The following ENOX1 variants were observed in gnomAD, a reference collection of about 807,000 sequenced individuals.
ENOX1 encodes the protein ecto-NOX disulfide-thiol exchanger 1.
In ENOX1, 42 loss-of-function variants were observed where a neutral mutation model predicts 82.5. The observed-to-expected ratio is 0.51, with a 90% CI of 0.40 to 0.66. The LOEUF (loss-of-function observed/expected upper bound fraction) is 0.66, where lower values mean the gene tolerates loss of function less well. Among genes scored for constraint, ENOX1 ranks in the 30% least tolerant of loss-of-function variants. The pLI is 0.00. For synonymous variants in ENOX1, 271 were observed against 282.2 expected, an observed-to-expected ratio of 0.96 and a Z score of 0.40; for missense variants, 608 against 811.6, an observed-to-expected ratio of 0.75 and a Z score of 3.05.
At chr13:43,421,195 G>A (rs564373136) in intron 3 of ENOX1, among the ~76,000 whole-genome samples, 1 of 152,208 alleles carries the variant, frequency 6.6e-6, no homozygotes, top group Admixed American at 6.5e-5. Context: ...GAAATCAAAA[G>A]GTCTTCTTTA....
intron 1 of ENOX1, among the ~76,000 whole-genome samples, chr13:43,734,717 C>G (rs138339712): frequency 6.6e-6 from 1 of 152,140 alleles, no homozygotes; most frequent in Non-Finnish European, 1.5e-5. Flanking sequence ...GCATGCACCA[C>G]TAGCAACTGG....
chr13:43,447,137 T>A (rs1259824847), intron 3 of ENOX1, among the ~76,000 whole-genome samples: 1 of 152,252 alleles, frequency 6.6e-6, no homozygotes, highest in Non-Finnish European at 1.5e-5. Context: ...TATAGAAAGA[T>A]GTCTTTTAAA....
chr13:43,526,673 G>A (rs2078002896), intron 2 of ENOX1, among the ~76,000 whole-genome samples: 1 of 152,058 alleles, frequency 6.6e-6, no homozygotes, highest in Non-Finnish European at 1.5e-5. Flanking sequence ...CAGTTGAGGG[G>A]TACCAGTTCA....
chr13:43,531,665 G>A (rs887280477), intron 2 of ENOX1, among the ~76,000 whole-genome samples: 2 of 144,672 alleles, frequency 1.4e-5, no homozygotes, highest in African/African-American at 2.6e-5. Flanking sequence ...CAAAGACTTG[G>A]AACCAACCCA....
intron 2 of ENOX1, among the ~76,000 whole-genome samples, chr13:43,535,318 A>G (rs866320372): frequency 3.2e-4 from 48 of 152,214 alleles, no homozygotes; most frequent in African/African-American, 1.1e-3. Flanking sequence ...CTATCACTAA[A>G]GAACTCACAG....
chr13:43,311,363 G>T (rs904721917), intron 11 of ENOX1, among the ~76,000 whole-genome samples: 1 of 150,808 alleles, frequency 6.6e-6, no homozygotes, highest in African/African-American at 2.4e-5. Context: ...AGGTAATAGG[G>T]TTTTTTTTTT....
At chr13:43,333,926 T>C (rs2048556651) in intron 9 of ENOX1, among the ~76,000 whole-genome samples, 1 of 152,246 alleles carries the variant, frequency 6.6e-6, no homozygotes, top group Admixed American at 6.5e-5. Context: ...CCCAGCCCTG[T>C]GATAGGCAAT....
At chr13:43,248,360 T>C (rs547529587) in intron 14 of ENOX1, among the ~76,000 whole-genome samples, 10 of 152,114 alleles carry the variant, frequency 6.6e-5, no homozygotes, top group Admixed American at 2.0e-4. Flanking sequence ...GGAATATATA[T>C]GTATGGTGGA....
At chr13:43,456,643 T>C (rs922424444) in intron 3 of ENOX1, among the ~76,000 whole-genome samples, 5 of 152,112 alleles carry the variant, frequency 3.3e-5, no homozygotes, top group African/African-American at 1.2e-4. Flanking sequence ...TCACCTGTTC[T>C]CTCTGTGGAG....
At chr13:43,377,724 T>C (rs1233356124) in intron 5 of ENOX1, among the ~76,000 whole-genome samples, 1 of 152,158 alleles carries the variant, frequency 6.6e-6, no homozygotes, top group Non-Finnish European at 1.5e-5. Flanking sequence ...CAAGGGAAGT[T>C]AAGATATGGA....
chr13:43,470,342 GTATATATATATGTA>G (rs2057978357), intron 3 of ENOX1, among the ~76,000 whole-genome samples: 1 of 43,050 alleles, frequency 2.3e-5, no homozygotes, highest in African/African-American at 6.9e-5. Flanking sequence ...ATATATATAC[GTATATATATATGTA>G]TATATATACG....
chr13:43,587,222 A>C (rs1302142125), intron 2 of ENOX1, among the ~76,000 whole-genome samples: 2 of 152,230 alleles, frequency 1.3e-5, no homozygotes, highest in African/African-American at 4.8e-5. Flanking sequence ...GACCCACGCA[A>C]AACTACTTCT....
At chr13:43,267,259 G>T (rs2044432656) in intron 13 of ENOX1, among the ~76,000 whole-genome samples, 1 of 152,192 alleles carries the variant, frequency 6.6e-6, no homozygotes, top group African/African-American at 2.4e-5. Flanking sequence ...TGAAACTGAG[G>T]TTTGTGAACA....
chr13:43,592,616 A>G (rs1056664699), intron 2 of ENOX1, among the ~76,000 whole-genome samples: 10 of 152,246 alleles, frequency 6.6e-5, no homozygotes, highest in Non-Finnish European at 1.3e-4. Context: ...ACTTATTGGT[A>G]TAGATTTTTC....
At chr13:43,450,404 C>A (rs1010133012) in intron 3 of ENOX1, among the ~76,000 whole-genome samples, 1 of 152,138 alleles carries the variant, frequency 6.6e-6, no homozygotes, top group Admixed American at 6.6e-5. Flanking sequence ...ACGAGGCCAA[C>A]AGATCAGGAG....
chr13:43,539,385 G>T (rs2078612095), intron 2 of ENOX1, among the ~76,000 whole-genome samples: 2 of 151,996 alleles, frequency 1.3e-5, no homozygotes, highest in Admixed American at 6.6e-5. Context: ...TATCATTCAG[G>T]TCAAAATATT....
At chr13:43,514,159 T>C (rs1054007403) in intron 2 of ENOX1, among the ~76,000 whole-genome samples, 2 of 152,190 alleles carry the variant, frequency 1.3e-5, no homozygotes, top group Admixed American at 6.5e-5. Context: ...CTTTTCTTTT[T>C]GTTGGATTCT....
chr13:43,724,665 G>A (rs1158992646), intron 1 of ENOX1, among the ~76,000 whole-genome samples: 1 of 152,182 alleles, frequency 6.6e-6, no homozygotes, highest in South Asian at 2.1e-4. Flanking sequence ...CTGGTAATAG[G>A]TTTTAGAGGA....
intron 12 of ENOX1, among the ~76,000 whole-genome samples, chr13:43,291,676 A>T (rs9590754): frequency 0.024 from 3,664 of 152,258 alleles, 154 homozygotes; most frequent in African/African-American, 0.084. Context: ...CCACATGGTA[A>T]CCAAGAATTC....
Sources: allele counts gnomAD v4.1 joint callset (sites outside exome capture counted in the v4.1 genomes callset), GRCh38; gene constraint gnomAD v4.1.1; transcripts MANE v1.5; gene names NCBI Gene and HGNC (gene_info 2026-07-23, HGNC 2026-07-21).